The following FUT9 variants were observed in gnomAD, a reference collection of about 807,000 sequenced individuals.
FUT9 encodes fucosyltransferase 9, also known as 4-galactosyl-N-acetylglucosaminide 3-alpha-L-fucosyltransferase 9.
Under a neutral mutation model 29.7 loss-of-function variants are expected in FUT9, and 15 were observed. That is an observed-to-expected ratio of 0.51 (90% CI 0.34 to 0.78). FUT9 has a LOEUF of 0.78. Among genes scored for constraint, FUT9 ranks in the 30% least tolerant of loss-of-function variants. The probability of loss-of-function intolerance (pLI) is 0.01; values close to 1 mark genes in which losing one functional copy is unlikely to be tolerated. For missense variants in FUT9, 319 were observed against 425.4 expected, an observed-to-expected ratio of 0.75 and a Z score of 2.20; for synonymous variants, 169 against 153.7, an observed-to-expected ratio of 1.10 and a Z score of -0.74.
chr6:96,175,533 T>C (rs1040859154), intron 2 of FUT9, among the ~76,000 whole-genome samples: 3 of 152,232 alleles, frequency 2.0e-5, no homozygotes, highest in Admixed American at 6.5e-5. Flanking sequence ...GTGATACTTA[T>C]GTAAATACAA....
At chr6:96,036,487 A>T (rs952921487) in intron 1 of FUT9, among the ~76,000 whole-genome samples, 7 of 151,912 alleles carry the variant, frequency 4.6e-5, no homozygotes, top group African/African-American at 1.4e-4. Flanking sequence ...AATGACTATC[A>T]GTAGAATTAC....
intron 2 of FUT9, among the ~76,000 whole-genome samples, chr6:96,149,990 C>T (rs1772646045): frequency 6.6e-6 from 1 of 152,158 alleles, no homozygotes; most frequent in Admixed American, 6.5e-5. Flanking sequence ...CCTCTTTACC[C>T]CCCTTCTCCA....
chr6:96,087,062 A>C (rs1016649417), intron 1 of FUT9, among the ~76,000 whole-genome samples: 1 of 152,180 alleles, frequency 6.6e-6, no homozygotes, highest in African/African-American at 2.4e-5. Context: ...ACCAGTTCTT[A>C]GCTTTTGTTC....
chr6:96,164,311 T>G (rs1404947211), intron 2 of FUT9, among the ~76,000 whole-genome samples: 2 of 134,650 alleles, frequency 1.5e-5, no homozygotes, highest in East Asian at 4.5e-4. Context: ...CAGGCCGGAG[T>G]GCAGTGGCGC....
rs11347804 is a variant in FUT9, at chr6:96,120,269, C to CTTTT, written c.-9+6158_-9+6161dup. On this transcript the variant is annotated intron_variant, in intron 2 of 2. Transcript: ENST00000302103. ...AAGACCCACTTTTTCTTTTTTCTTT[C>CTTTT]TTTTTTTTTTTTTTTTTTTGAGATG... Among the ~76,000 whole-genome samples, 322 of 91,442 alleles carry CTTTT rather than the reference C, an allele frequency of 3.5e-3. 4 individuals carry two copies. The highest frequency in any genetic ancestry group is 7.1e-3 in the East Asian group (22 of 3,116). The allele number at this position is 91,442 out of a possible 152,430, so 60.0% of individuals were successfully genotyped here. A position where few individuals can be genotyped will look rare whatever the true frequency, so the allele number is the denominator to read the frequency against.
intron 1 of FUT9, among the ~76,000 whole-genome samples, chr6:96,110,391 A>T (rs977686563): frequency 1.3e-5 from 2 of 152,164 alleles, no homozygotes; most frequent in African/African-American, 4.8e-5. Flanking sequence ...TGCAAAGTGA[A>T]TCTGTCATGC....
chr6:96,033,483 T>G (rs1300820814), intron 1 of FUT9, among the ~76,000 whole-genome samples: 1 of 151,614 alleles, frequency 6.6e-6, no homozygotes, highest in Non-Finnish European at 1.5e-5. Context: ...GACTCCACAT[T>G]CAATTGAAAC....
intron 1 of FUT9, among the ~76,000 whole-genome samples, chr6:96,040,271 T>C: frequency 6.6e-6 from 1 of 152,170 alleles, no homozygotes; most frequent in African/African-American, 2.4e-5. Context: ...TTTGAGGCAC[T>C]GAAAATTTCA....
intron 1 of FUT9, among the ~76,000 whole-genome samples, chr6:96,111,626 C>T (rs1582238768): frequency 1.3e-5 from 2 of 151,768 alleles, no homozygotes; most frequent in East Asian, 3.9e-4. Flanking sequence ...CAGGCCACTT[C>T]CTGGCCCTCA....
chr6:96,027,266 G>A (rs955796834), intron 1 of FUT9, among the ~76,000 whole-genome samples: 1 of 151,564 alleles, frequency 6.6e-6, no homozygotes, highest in Admixed American at 6.6e-5. Flanking sequence ...TTATCAAAAG[G>A]TTTGGAGTCA....
chr6:96,087,681 G>C (rs1771341886), intron 1 of FUT9, among the ~76,000 whole-genome samples: 1 of 152,010 alleles, frequency 6.6e-6, no homozygotes, highest in Non-Finnish European at 1.5e-5. Flanking sequence ...ACAAATCTTT[G>C]TGCTATTATC....
Position 96,026,226 on chromosome 6 carries a change from G to T in FUT9, c.-98+10014G>T, listed in dbSNP as rs562872643. 7.9e-5 allele frequency among the ~76,000 whole-genome samples: 12 copies of T among 151,788 alleles called. No individual in the cohort carries two copies. The East Asian group carries it at 1.6e-3, about 20-fold the overall frequency. ...AAAGACTTCAATAAGTGACTGTTTG[G>T]ATAGGCTTCTTATCTGTGGTATGAT... On this transcript the variant is annotated intron_variant, in intron 1 of 2. Transcript: ENST00000302103.
In FUT9 at chr6:96,099,620, A is replaced by G. The variant is rs558290965; in HGVS notation, c.-97-14419A>G. On this transcript the variant is annotated intron_variant, in intron 1 of 2. Coordinates refer to ENST00000302103, the MANE Select transcript of FUT9 (RefSeq NM_006581.4). ...TTCCTGAATATTTATGCAATCTTCT[A>G]TATAAAATTTACTTCAGACTTTCTG... Among the ~76,000 whole-genome samples, 365 of 152,296 alleles carry G rather than the reference A, an allele frequency of 2.4e-3. 1 individual carries two copies. The highest frequency in any genetic ancestry group is 8.6e-3 in the African/African-American group (357 of 41,582).
intron 1 of FUT9, among the ~76,000 whole-genome samples, chr6:96,031,226 T>C (rs953795534): frequency 6.6e-6 from 1 of 151,554 alleles, no homozygotes; most frequent in African/African-American, 2.4e-5. Flanking sequence ...AATTTGAACA[T>C]TTGAGTGTAT....
intron 1 of FUT9, among the ~76,000 whole-genome samples, chr6:96,054,278 G>A (rs1302672098): frequency 6.6e-6 from 1 of 152,178 alleles, no homozygotes; most frequent in Non-Finnish European, 1.5e-5. Flanking sequence ...AAATGAAAGA[G>A]ATAGATATAG....
At position 96,204,367 on chromosome 6, in the gene FUT9, A is replaced by G; in HGVS notation, c.*132A>G. The G allele has an allele frequency of 1.7e-6, 1 of 582,210 alleles. No homozygotes were observed. The highest frequency in any genetic ancestry group is 2.7e-6 in the Non-Finnish European group (1 of 363,876). The allele number at this position is 582,210 out of a possible 1,614,324, so 36.1% of individuals were successfully genotyped here. ...TATCACCCTCTCTAGGGTAACGTGT[A>G]TATTTTGGTGGAGATTTTTAAAAGC... is the stretch of plus-strand genomic sequence containing the variant. On this transcript the variant is annotated 3_prime_UTR_variant, in exon 3 of 3. Coordinates refer to ENST00000302103, the MANE Select transcript of FUT9 (RefSeq NM_006581.4).
chr6:96,043,412 TTG>T (rs1770504737), intron 1 of FUT9, among the ~76,000 whole-genome samples: 1 of 152,230 alleles, frequency 6.6e-6, no homozygotes, highest in Admixed American at 6.5e-5. Context: ...GACATTGTTT[TTG>T]TTAAGTTATA....
intron 2 of FUT9, among the ~76,000 whole-genome samples, chr6:96,166,678 C>G (rs1485815020): frequency 6.6e-6 from 1 of 152,078 alleles, no homozygotes; most frequent in Admixed American, 6.5e-5. Context: ...GTATGTCGCA[C>G]TACATAGTTG....
intron 1 of FUT9, among the ~76,000 whole-genome samples, chr6:96,064,035 T>C (rs1470082408): frequency 6.6e-6 from 1 of 152,146 alleles, no homozygotes; most frequent in Non-Finnish European, 1.5e-5. Context: ...ATCTAGAACT[T>C]ATAATGTCAC....
Sources: gnomAD v4.1 joint callset for allele counts (sites outside exome capture counted in the v4.1 genomes callset) on GRCh38, gnomAD v4.1.1 for gene constraint, MANE v1.5 for transcripts, NCBI Gene and HGNC (gene_info 2026-07-23, HGNC 2026-07-21) for gene names.